The following KDM4C variants were observed in gnomAD, a reference collection of about 807,000 sequenced individuals.
KDM4C encodes lysine-specific demethylase 4C.
In KDM4C, 81 loss-of-function variants were observed where a neutral mutation model predicts 129.3. That is an observed-to-expected ratio of 0.63 (90% confidence interval 0.52 to 0.75). The LOEUF is 0.75. Among genes scored for constraint, KDM4C ranks in the 30% least tolerant of loss-of-function variants. KDM4C has a pLI of 0.00. For missense variants in KDM4C, 1,457 were observed against 1,304.0 expected, an observed-to-expected ratio of 1.12 and a Z score of -1.81; for synonymous variants, 573 against 456.1, an observed-to-expected ratio of 1.26 and a Z score of -3.26.
At chr9:6,756,854 C>T (rs1166648116), upstream of KDM4C, among the ~76,000 whole-genome samples, 1 of 152,190 alleles carries the variant, frequency 6.6e-6, no homozygotes, top group Non-Finnish European at 1.5e-5. Context: ...CAGTGAGAAA[C>T]GAGTTCAAGC....
chr9:7,072,065 C>T (rs4740869), intron 17 of KDM4C, among the ~76,000 whole-genome samples: 26,665 of 152,162 alleles, frequency 0.18, 2,843 homozygotes, highest in South Asian at 0.41. Flanking sequence ...TGCTTAATGT[C>T]ATTATCTGTT....
chr9:7,132,405 T>C (rs557385479), intron 19 of KDM4C, among the ~76,000 whole-genome samples: 1 of 152,098 alleles, frequency 6.6e-6, no homozygotes, highest in South Asian at 2.1e-4. Context: ...GGAGAAACGC[T>C]CTTTGAACTA....
intron 15 of KDM4C, among the ~76,000 whole-genome samples, chr9:7,032,052 T>C (rs1025214297): frequency 6.6e-6 from 1 of 152,220 alleles, no homozygotes. Context: ...CTGGTAACTC[T>C]TGACATCTTT....
chr9:6,998,954 TG>T (rs1300329799), intron 12 of KDM4C, among the ~76,000 whole-genome samples: 2 of 152,226 alleles, frequency 1.3e-5, no homozygotes, highest in Non-Finnish European at 2.9e-5. Flanking sequence ...TGGCATCGCC[TG>T]GGATTTCCCG....
chr9:7,162,604 A>T (rs563447022), intron 19 of KDM4C, among the ~76,000 whole-genome samples: 1 of 152,298 alleles, frequency 6.6e-6, no homozygotes, highest in East Asian at 1.9e-4. Context: ...TGTCCAGTCC[A>T]CGTTTCCATG....
chr9:7,010,975 C>T (rs1474666710), intron 12 of KDM4C, among the ~76,000 whole-genome samples: 1 of 152,004 alleles, frequency 6.6e-6, no homozygotes, highest in Admixed American at 6.6e-5. Context: ...ACCCTGGAGG[C>T]GGTGGTTGCA....
intron 15 of KDM4C, among the ~76,000 whole-genome samples, chr9:7,031,835 A>G (rs1219983606): frequency 6.6e-6 from 1 of 152,202 alleles, no homozygotes; most frequent in Non-Finnish European, 1.5e-5. Context: ...GTCTGCATAA[A>G]TCATAGTTAT....
Position 6,981,127 on chromosome 9 carries a change from C to G in KDM4C, c.1115+9C>G. 1.2e-6 allele frequency: 2 copies of G among 1,602,190 alleles called. No homozygotes were observed. Among genetic ancestry groups the G allele is most frequent in the African/African-American group, 1.3e-5 (1 of 74,306 alleles). On this transcript the variant is annotated intron_variant, in intron 9 of 21. Coordinates refer to ENST00000381309, the MANE Select transcript of KDM4C (RefSeq NM_015061.6). Reference sequence around the variant, plus strand: ...AGAAAAGCATCCCGAAGGTAATGACCCCTCACCCCACTGACCTGCCTTGCC... The same window carrying G: ...AGAAAAGCATCCCGAAGGTAATGACGCCTCACCCCACTGACCTGCCTTGCC...
At chr9:6,988,709 C>T (rs1379700123) in intron 11 of KDM4C, among the ~76,000 whole-genome samples, 1 of 151,862 alleles carries the variant, frequency 6.6e-6, no homozygotes, top group Non-Finnish European at 1.5e-5. Context: ...TCCATCCATT[C>T]ATCTTGGGCT....
intron 12 of KDM4C, among the ~76,000 whole-genome samples, chr9:6,995,352 G>C (rs190207754): frequency 6.6e-6 from 1 of 150,922 alleles, no homozygotes; most frequent in East Asian, 1.9e-4. Context: ...CACAGGCACA[G>C]ACACACACAC....
chr9:7,144,643 C>G (rs1000013748), intron 19 of KDM4C, among the ~76,000 whole-genome samples: 12 of 152,248 alleles, frequency 7.9e-5, no homozygotes, highest in African/African-American at 2.7e-4. Flanking sequence ...CCATTCCACT[C>G]ATCCGCATAT....
chr9:6,892,400 T>TA (rs762066402), intron 7 of KDM4C, among the ~76,000 whole-genome samples: 108 of 151,220 alleles, frequency 7.1e-4, no homozygotes, highest in East Asian at 6.2e-3. Flanking sequence ...TTGGTGATTG[T>TA]AAAAAAAAAG....
intron 3 of KDM4C, among the ~76,000 whole-genome samples, chr9:6,812,797 A>T (rs1258849443): frequency 6.6e-6 from 1 of 152,206 alleles, no homozygotes; most frequent in Non-Finnish European, 1.5e-5. Flanking sequence ...TGTGCCTGGA[A>T]TTCCCGATAC....
chr9:7,126,452 G>A (rs1483694435), intron 18 of KDM4C, among the ~76,000 whole-genome samples: 2 of 152,130 alleles, frequency 1.3e-5, no homozygotes, highest in Non-Finnish European at 2.9e-5. Flanking sequence ...ATGAGTAAAT[G>A]GGTTTATATT....
chr9:6,868,669 T>C (rs1387926806), intron 5 of KDM4C, among the ~76,000 whole-genome samples: 1 of 152,136 alleles, frequency 6.6e-6, no homozygotes, highest in Non-Finnish European at 1.5e-5. Flanking sequence ...AGTTTGTACA[T>C]GTTCAGTACA....
intron 6 of KDM4C, among the ~76,000 whole-genome samples, chr9:6,887,516 G>A (rs1211226301): frequency 2.6e-5 from 4 of 152,184 alleles, no homozygotes; most frequent in Admixed American, 2.6e-4. Context: ...TCTGTCTGCT[G>A]TATGCCGAGG....
At chr9:7,173,172 C>T (rs952007989) in intron 21 of KDM4C, among the ~76,000 whole-genome samples, 3 of 152,372 alleles carry the variant, frequency 2.0e-5, no homozygotes, top group African/African-American at 4.8e-5. Context: ...CTACCACTGC[C>T]CTCCTCTTAC....
chr9:7,150,051 G>T (rs1296238018), intron 19 of KDM4C, among the ~76,000 whole-genome samples: 1 of 152,192 alleles, frequency 6.6e-6, no homozygotes, highest in East Asian at 1.9e-4. Flanking sequence ...AGAGGAAGGG[G>T]TCAGGGCTAC....
At chr9:6,807,790 TGGG>T (rs752540856) in intron 3 of KDM4C, among the ~76,000 whole-genome samples, 1 of 109,648 alleles carries the variant, frequency 9.1e-6, no homozygotes, top group Non-Finnish European at 1.9e-5. Context: ...GGGAGGGAGG[TGGG>T]GGGGGGGTCA....
Sources: gnomAD v4.1 joint callset for allele counts (sites outside exome capture counted in the v4.1 genomes callset) on GRCh38, gnomAD v4.1.1 for gene constraint, MANE v1.5 for transcripts, NCBI Gene and HGNC (gene_info 2026-07-23, HGNC 2026-07-21) for gene names.